CNTNAP5: variants seen among roughly 807,000 people sequenced by gnomAD.
CNTNAP5 encodes the protein contactin associated protein family member 5, also known as contactin-associated protein-like 5.
A neutral mutation model predicts 150.2 loss-of-function variants in CNTNAP5; 72 were observed. The ratio of observed to expected loss-of-function variants is 0.48; its 90% CI spans 0.40 to 0.58. The LOEUF (loss-of-function observed/expected upper bound fraction) is 0.58. Ranked by LOEUF, CNTNAP5 falls within the 20% of genes least tolerant of loss-of-function variation. CNTNAP5 has a pLI of 0.00. For missense variants in CNTNAP5, 1,636 were observed against 1,626.2 expected, an observed-to-expected ratio of 1.01 and a Z score of -0.10; for synonymous variants, 672 against 619.8, an observed-to-expected ratio of 1.08 and a Z score of -1.25.
At chr2:124,184,554 C>T (rs1187059572) in intron 1 of CNTNAP5, among the ~76,000 whole-genome samples, 2 of 152,086 alleles carry the variant, frequency 1.3e-5, no homozygotes, top group African/African-American at 4.8e-5. Context: ...AATCTGACAA[C>T]CTTACTCTGA....
intron 1 of CNTNAP5, among the ~76,000 whole-genome samples, chr2:124,207,432 A>G (rs1310206556): frequency 6.6e-6 from 1 of 152,192 alleles, no homozygotes; most frequent in African/African-American, 2.4e-5. Flanking sequence ...AGACCATTCA[A>G]TTTGCAAAGT....
chr2:124,236,285 C>T (rs960858475), intron 2 of CNTNAP5, among the ~76,000 whole-genome samples: 6 of 152,242 alleles, frequency 3.9e-5, no homozygotes, highest in African/African-American at 1.4e-4. Flanking sequence ...TGGTTAACTC[C>T]TTAGTCCCTA....
chr2:124,523,964 T>G (rs1418518891), intron 8 of CNTNAP5, among the ~76,000 whole-genome samples: 1 of 84,342 alleles, frequency 1.2e-5, no homozygotes, highest in Non-Finnish European at 3.2e-5. Context: ...TTATTTTTGT[T>G]TTTTTTTTTT....
intron 1 of CNTNAP5, among the ~76,000 whole-genome samples, chr2:124,050,987 G>C (rs1681681097): frequency 6.6e-6 from 1 of 152,126 alleles, no homozygotes; most frequent in Admixed American, 6.5e-5. Context: ...TTCCTGGACT[G>C]TAGCATGTTA....
intron 1 of CNTNAP5, among the ~76,000 whole-genome samples, chr2:124,191,574 A>T (rs1473389034): frequency 6.6e-6 from 1 of 152,232 alleles, no homozygotes; most frequent in Non-Finnish European, 1.5e-5. Flanking sequence ...GTTAGATGAC[A>T]GAGGCAATCA....
intron 12 of CNTNAP5, among the ~76,000 whole-genome samples, chr2:124,621,981 AG>A (rs1410475018): frequency 6.6e-6 from 1 of 152,056 alleles, no homozygotes; most frequent in Non-Finnish European, 1.5e-5. Flanking sequence ...TTTTAAGTTC[AG>A]TGCTACATAT....
chr2:124,397,609 ATGT>A (rs1034624627), intron 3 of CNTNAP5, among the ~76,000 whole-genome samples: 39 of 152,180 alleles, frequency 2.6e-4, no homozygotes, highest in Non-Finnish European at 2.9e-5. Context: ...CACTACAATG[ATGT>A]TATGTTACTC....
intron 5 of CNTNAP5, among the ~76,000 whole-genome samples, chr2:124,435,114 CATATGTGTGAGG>C: frequency 6.6e-6 from 1 of 152,258 alleles, no homozygotes. Context: ...AAGAGGGGAT[CATATGTGTGAGG>C]TGAAAAATCT....
intron 16 of CNTNAP5, among the ~76,000 whole-genome samples, chr2:124,770,731 G>T (rs540601352): frequency 1.8e-4 from 28 of 152,134 alleles, no homozygotes; most frequent in Non-Finnish European, 2.6e-4. Flanking sequence ...TTTAAGGCAT[G>T]AATTTGTCAC....
intron 1 of CNTNAP5, among the ~76,000 whole-genome samples, chr2:124,076,938 C>T (rs950048040): frequency 4.6e-5 from 7 of 152,124 alleles, no homozygotes; most frequent in African/African-American, 1.7e-4. Flanking sequence ...ATCTCTGTGA[C>T]TTAGGGCAAG....
At chr2:124,243,380 A>G (rs1686936130) in intron 3 of CNTNAP5, among the ~76,000 whole-genome samples, 1 of 152,146 alleles carries the variant, frequency 6.6e-6, no homozygotes, top group African/African-American at 2.4e-5. Context: ...CCCTGATAAA[A>G]ATGAAATAAC....
At chr2:124,632,572 G>T (rs1308834344) in intron 12 of CNTNAP5, among the ~76,000 whole-genome samples, 1 of 151,896 alleles carries the variant, frequency 6.6e-6, no homozygotes, top group Non-Finnish European at 1.5e-5. Context: ...GGGGAGGGGA[G>T]TGCATTAGGG....
intron 1 of CNTNAP5, among the ~76,000 whole-genome samples, chr2:124,045,560 G>T (rs1681510351): frequency 6.6e-6 from 1 of 151,998 alleles, no homozygotes; most frequent in Admixed American, 6.6e-5. Flanking sequence ...GCCTCCCAAA[G>T]TGCCACCGCA....
Position 124,852,137 on chromosome 2 carries a change from A to G in CNTNAP5, c.3218-13169A>G, listed in dbSNP as rs114456389. On this transcript the variant is annotated intron_variant, in intron 19 of 23. Coordinates refer to ENST00000682447, the MANE Select transcript of CNTNAP5 (RefSeq NM_001367498.1). ...AGGGAAGAGATTGTAGTCAGAAAAC[A>G]AAATTCCTACAGTTGCAATTACGGA... 4.2e-3 allele frequency among the ~76,000 whole-genome samples: 638 copies of G among 152,354 alleles called. 6 individuals carry two copies. The highest frequency in any genetic ancestry group is 0.014 in the African/African-American group (601 of 41,586).
intron 1 of CNTNAP5, among the ~76,000 whole-genome samples, chr2:124,186,043 G>A (rs1485554567): frequency 1.3e-5 from 2 of 152,220 alleles, no homozygotes; most frequent in Non-Finnish European, 2.9e-5. Context: ...TGGTAACCAT[G>A]CCAACAAGTA....
chr2:124,331,327 C>T (rs1244736309), intron 3 of CNTNAP5, among the ~76,000 whole-genome samples: 2 of 152,002 alleles, frequency 1.3e-5, no homozygotes, highest in Non-Finnish European at 2.9e-5. Flanking sequence ...AAAATTATGA[C>T]TGATAACATA....
intron 14 of CNTNAP5, among the ~76,000 whole-genome samples, chr2:124,750,450 C>T (rs148009441): frequency 7.7e-4 from 117 of 152,250 alleles, no homozygotes; most frequent in African/African-American, 2.5e-3. Context: ...CAAGTCATAG[C>T]TTGTGATAAA....
intron 14 of CNTNAP5, among the ~76,000 whole-genome samples, chr2:124,749,353 C>T (rs1680672786): frequency 6.7e-6 from 1 of 148,508 alleles, no homozygotes; most frequent in Non-Finnish European, 1.5e-5. Context: ...CCTCCTCCTT[C>T]CCTCTCTCCG....
intron 2 of CNTNAP5, among the ~76,000 whole-genome samples, chr2:124,239,962 T>A (rs1573859649): frequency 6.6e-6 from 1 of 152,170 alleles, no homozygotes; most frequent in East Asian, 1.9e-4. Context: ...CTACTTCCAG[T>A]GATTTTCCTC....
Sources: gnomAD v4.1 joint callset for allele counts (sites outside exome capture counted in the v4.1 genomes callset) on GRCh38, gnomAD v4.1.1 for gene constraint, MANE v1.5 for transcripts, NCBI Gene and HGNC (gene_info 2026-07-23, HGNC 2026-07-21) for gene names.